NFIB: variants seen among roughly 807,000 people sequenced by gnomAD.
NFIB encodes nuclear factor 1 B-type.
A neutral mutation model predicts 61.5 loss-of-function variants in NFIB; 11 were observed. The ratio of observed to expected loss-of-function variants is 0.18; its 90% CI spans 0.11 to 0.30. The LOEUF (loss-of-function observed/expected upper bound fraction) is 0.30. Among genes scored for constraint, NFIB ranks in the 10% least tolerant of loss-of-function variants. The pLI, the probability that NFIB is intolerant of heterozygous loss-of-function variation, is 1.00. For missense variants in NFIB, 471 were observed against 608.9 expected (o/e 0.77, Z 2.38); for synonymous variants, 260 against 216.5 (o/e 1.20, Z -1.76).
At chr9:14,193,376 T>G (rs1389321466) in intron 2 of NFIB, among the ~76,000 whole-genome samples, 1 of 152,214 alleles carries the variant, frequency 6.6e-6, no homozygotes, top group Non-Finnish European at 1.5e-5. Flanking sequence ...TACTTATATT[T>G]CATGCCACAA....
chr9:14,461,325 G>A, the NFIB span, among the ~76,000 whole-genome samples: 1 of 152,166 alleles, frequency 6.6e-6, no homozygotes, highest in African/African-American at 2.4e-5. Flanking sequence ...GGGAATGGAG[G>A]AACACAGGTG....
chr9:14,238,464 A>T (rs1451695133), intron 2 of NFIB, among the ~76,000 whole-genome samples: 4 of 152,202 alleles, frequency 2.6e-5, no homozygotes, highest in Non-Finnish European at 4.4e-5. Context: ...ATCACATAAA[A>T]AGTATATGTG....
chr9:14,154,760 T>G (rs2043206254), intron 4 of NFIB, among the ~76,000 whole-genome samples: 1 of 152,224 alleles, frequency 6.6e-6, no homozygotes, highest in Admixed American at 6.5e-5. Context: ...CTGCTATACA[T>G]GCTATTTGCA....
At chr9:14,407,163 C>T in the NFIB span, among the ~76,000 whole-genome samples, 421 of 152,252 alleles carry the variant, frequency 2.8e-3, 2 homozygotes, top group African/African-American at 9.7e-3. Flanking sequence ...AAACCTTCCT[C>T]GACACAGTCA....
chr9:14,435,077 T>C, the NFIB span, among the ~76,000 whole-genome samples: 1 of 152,220 alleles, frequency 6.6e-6, no homozygotes, highest in Non-Finnish European at 1.5e-5. Context: ...CTCTCACAAA[T>C]ACATCTTCCG....
intron 2 of NFIB, among the ~76,000 whole-genome samples, chr9:14,261,727 T>C (rs953027277): frequency 2.0e-5 from 3 of 152,210 alleles, no homozygotes; most frequent in African/African-American, 7.2e-5. Context: ...TAAAGTGGCC[T>C]GGGACAAAGT....
At chr9:14,273,068 G>A (rs1174008544) in intron 2 of NFIB, among the ~76,000 whole-genome samples, 1 of 152,080 alleles carries the variant, frequency 6.6e-6, no homozygotes, top group Non-Finnish European at 1.5e-5. Flanking sequence ...TGCCCAGCCA[G>A]GGCACGCCAG....
chr9:14,488,621 G>T, the NFIB span, among the ~76,000 whole-genome samples: 2 of 152,166 alleles, frequency 1.3e-5, no homozygotes, highest in Non-Finnish European at 2.9e-5. Flanking sequence ...TGGGGAATGT[G>T]TACCTCTAGG....
chr9:14,411,233 C>T, the NFIB span, among the ~76,000 whole-genome samples: 2 of 152,190 alleles, frequency 1.3e-5, no homozygotes, highest in Admixed American at 1.3e-4. Context: ...ACACACATTA[C>T]TGGATATTAG....
intron 10 of NFIB, among the ~76,000 whole-genome samples, chr9:14,098,394 T>C (rs1049397144): frequency 2.0e-5 from 3 of 152,232 alleles, no homozygotes; most frequent in Non-Finnish European, 2.9e-5. Flanking sequence ...AAGCACTCCC[T>C]CTAATGTTTT....
rs73411907 is a variant in NFIB, at chr9:14,132,602, T to G, written c.926-6836A>C. 2.0e-3 allele frequency among the ~76,000 whole-genome samples: 305 copies of G among 152,272 alleles called. 2 individuals are homozygous for G. Among genetic ancestry groups the G allele is most frequent in the African/African-American group, 6.8e-3 (282 of 41,570 alleles). ...ATTTAATTATTTTAGAGACAAGGTC[T>G]CACTCTGTTGCCCAGGCTGCAGTGG... is the stretch of plus-strand genomic sequence containing the variant. On this transcript the variant is annotated intron_variant, in intron 6 of 10. Transcript: ENST00000380953.
intron 2 of NFIB, among the ~76,000 whole-genome samples, chr9:14,186,136 G>C (rs1302124780): frequency 6.6e-6 from 1 of 152,212 alleles, no homozygotes; most frequent in East Asian, 1.9e-4. Flanking sequence ...AGAAGGAGCT[G>C]TACAAGGTGA....
intron 4 of NFIB, among the ~76,000 whole-genome samples, chr9:14,150,702 CA>C (rs746905833): frequency 5.6e-4 from 85 of 150,996 alleles, no homozygotes; most frequent in Non-Finnish European, 9.2e-4. Flanking sequence ...AACCGTTTCA[CA>C]AAAAAAAGCA....
At chr9:14,364,550 A>C (rs2132952331) in intron 1 of NFIB, among the ~76,000 whole-genome samples, 1 of 152,340 alleles carries the variant, frequency 6.6e-6, no homozygotes, top group Middle Eastern at 3.4e-3. Context: ...CTTACTTTTT[A>C]ATATAACAAC....
Position 14,314,132 on chromosome 9 carries a change from G to C in NFIB, c.-621C>G. The stretch of plus-strand genomic sequence containing the variant: ...CATGTGTGTGCGCGAGGGGCAGCGT[G>C]AGCGAGTGCGCGCGGGTGGCGGGGC... On this transcript the variant is annotated 5_prime_UTR_variant, in exon 1 of 11. Transcript: ENST00000380953. 1 of 1,009,388 alleles carries C rather than the reference G, an allele frequency of 9.9e-7. No individual in the cohort carries two copies. Among genetic ancestry groups the C allele is most frequent in the Non-Finnish European group, 1.2e-6 (1 of 845,988 alleles). The allele number at this position is 1,009,388 out of a possible 1,614,324, so 62.5% of individuals were successfully genotyped here. A position where few individuals can be genotyped will look rare whatever the true frequency, so the allele number is the denominator to read the frequency against.
At chr9:14,299,693 A>G (rs1038119569) in intron 2 of NFIB, among the ~76,000 whole-genome samples, 1 of 152,176 alleles carries the variant, frequency 6.6e-6, no homozygotes, top group Non-Finnish European at 1.5e-5. Flanking sequence ...ATTTTTAATT[A>G]TATAGTCCTT....
upstream of NFIB, among the ~76,000 whole-genome samples, chr9:14,402,557 T>C (rs1050021369): frequency 2.0e-5 from 3 of 152,302 alleles, no homozygotes; most frequent in African/African-American, 7.2e-5. Flanking sequence ...TATTCTCAGA[T>C]TTAAAAAAAT....
At chr9:14,388,076 G>A (rs2061570576) in intron 1 of NFIB, among the ~76,000 whole-genome samples, 1 of 152,118 alleles carries the variant, frequency 6.6e-6, no homozygotes, top group Non-Finnish European at 1.5e-5. Context: ...CATACCAAAA[G>A]CCAAGCAAAA....
intron 1 of NFIB, among the ~76,000 whole-genome samples, chr9:14,384,641 C>G (rs1360583272): frequency 6.6e-6 from 1 of 152,152 alleles, no homozygotes; most frequent in Non-Finnish European, 1.5e-5. Flanking sequence ...TCATTAATAT[C>G]TATTTGAATT....
Sources: allele counts gnomAD v4.1 joint callset (sites outside exome capture counted in the v4.1 genomes callset), GRCh38; gene constraint gnomAD v4.1.1; transcripts MANE v1.5; gene names NCBI Gene and HGNC (gene_info 2026-07-23, HGNC 2026-07-21).